GPM6A: variants seen among roughly 807,000 people sequenced by gnomAD.
The protein encoded by GPM6A is glycoprotein M6A, also known as neuronal membrane glycoprotein M6-a.
GPM6A carries 7 observed loss-of-function variants against 32.1 expected under a neutral mutation model. The ratio of observed to expected loss-of-function variants is 0.22; its 90% CI spans 0.12 to 0.41. The LOEUF (loss-of-function observed/expected upper bound fraction) is 0.41, where lower values mean the gene tolerates loss of function less well. Ranked by LOEUF, GPM6A falls within the 10% of genes least tolerant of loss-of-function variation. The probability of loss-of-function intolerance (pLI) is 1.00; values close to 1 mark genes in which losing one functional copy is unlikely to be tolerated. For missense variants in GPM6A, 235 were observed against 347.2 expected (o/e 0.68, Z 2.57); for synonymous variants, 130 against 123.4 (o/e 1.05, Z -0.35).
intron 1 of GPM6A, among the ~76,000 whole-genome samples, chr4:175,800,165 G>A (rs1225667233): frequency 6.6e-6 from 1 of 152,108 alleles, no homozygotes; most frequent in Non-Finnish European, 1.5e-5. Flanking sequence ...ATTTGTGGTT[G>A]AGGGCTTAAT....
rs7676907 is a variant in GPM6A at position 175,879,576 on chromosome 4, C to T, written c.-22-67327G>A. Among the ~76,000 whole-genome samples the T allele has an allele frequency of 2.9e-3, 435 of 152,138 alleles. 2 individuals carry two copies. The highest frequency in any genetic ancestry group is 8.6e-3 in the African/African-American group (358 of 41,510). ...ATTCACTATCATGAGAACAGTATGG[C>T]GGAAACTGTCCCCATAATTCAATTA... is the stretch of plus-strand genomic sequence containing the variant. On this transcript the variant is annotated intron_variant, in intron 1 of 7. Coordinates refer to the GPM6A transcript ENST00000280187.
chr4:175,758,262 T>C (rs1579466422), intron 1 of GPM6A, among the ~76,000 whole-genome samples: 1 of 152,218 alleles, frequency 6.6e-6, no homozygotes, highest in Non-Finnish European at 1.5e-5. Context: ...AAGCAATATA[T>C]TCTCTTGTTT....
intron 1 of GPM6A, among the ~76,000 whole-genome samples, chr4:175,850,193 A>G (rs1736210055): frequency 6.6e-6 from 1 of 152,198 alleles, no homozygotes. Flanking sequence ...ACATGATTCT[A>G]AACTCTACTT....
Position 175,944,193 on chromosome 4 carries a change from T to G in GPM6A, c.-23+58116A>C, listed in dbSNP as rs116834442. Among the ~76,000 whole-genome samples the G allele has an allele frequency of 7.5e-3, 1,148 of 152,324 alleles. 15 individuals are homozygous for G. Among genetic ancestry groups the G allele is most frequent in the Non-Finnish European group, 9.2e-3 (628 of 68,016 alleles). On this transcript the variant is annotated intron_variant, in intron 1 of 7. Transcript: ENST00000280187. Reference sequence around the variant, plus strand: ...GCAGACAATAATAGATTTAAAATTATGTACCAATGTCTTTTTCATTATATG... The same window carrying G: ...GCAGACAATAATAGATTTAAAATTAGGTACCAATGTCTTTTTCATTATATG...
intron 1 of GPM6A, among the ~76,000 whole-genome samples, chr4:175,751,222 G>T (rs1326450734): frequency 3.9e-5 from 6 of 152,128 alleles, no homozygotes; most frequent in Non-Finnish European, 8.8e-5. Flanking sequence ...GTATCATAGA[G>T]AATGTAGAAG....
In GPM6A at chr4:175,713,536, T is replaced by C. The variant is rs77333471; in HGVS notation, c.38-11769A>G. On this transcript the variant is annotated intron_variant, in intron 1 of 6. Coordinates refer to ENST00000393658, the MANE Select transcript of GPM6A (RefSeq NM_201591.3). ...GCCTTTTAGAATATAGCTCAAATAA[T>C]CCTTAAATATTGTTAAATTTTTATT... 8.5e-3 allele frequency among the ~76,000 whole-genome samples: 1,292 copies of C among 152,250 alleles called. 31 individuals are homozygous for C. The highest frequency in any genetic ancestry group is 0.081 in the East Asian group (422 of 5,178).
intron 1 of GPM6A, among the ~76,000 whole-genome samples, chr4:175,902,927 A>G (rs1333993306): frequency 6.6e-6 from 1 of 152,142 alleles, no homozygotes; most frequent in Non-Finnish European, 1.5e-5. Context: ...CTCTAGAATA[A>G]CAGCTAATCT....
At chr4:175,649,536 A>G (rs1741661999) in intron 4 of GPM6A, among the ~76,000 whole-genome samples, 1 of 152,210 alleles carries the variant, frequency 6.6e-6, no homozygotes, top group Non-Finnish European at 1.5e-5. Context: ...AGACCTTATA[A>G]TCACCTACTT....
intron 1 of GPM6A, among the ~76,000 whole-genome samples, chr4:175,778,840 A>G (rs148451491): frequency 6.7e-6 from 1 of 150,258 alleles, no homozygotes; most frequent in African/African-American, 2.4e-5. Flanking sequence ...ACAATAAAAC[A>G]TTACATATTA....
At chr4:175,635,080 T>C in intron 6 of GPM6A, 23 bp from the exon 7 acceptor site, 1 of 1,602,500 alleles carries the variant, frequency 6.2e-7, no homozygotes. Flanking sequence ...AAAAATAATT[T>C]ATATTGGAAG....
chr4:175,727,439 G>T (rs1731224799), intron 1 of GPM6A, among the ~76,000 whole-genome samples: 1 of 152,152 alleles, frequency 6.6e-6, no homozygotes, highest in Non-Finnish European at 1.5e-5. Flanking sequence ...AATTCATCTT[G>T]TCTGTATTCA....
intron 1 of GPM6A, among the ~76,000 whole-genome samples, chr4:175,991,992 C>T (rs895400900): frequency 7.9e-5 from 12 of 151,346 alleles, no homozygotes; most frequent in Middle Eastern, 3.2e-3. Flanking sequence ...CTTGCACTCA[C>T]ATATATAAAA....
intron 1 of GPM6A, among the ~76,000 whole-genome samples, chr4:175,852,512 A>G (rs1158585167): frequency 2.0e-5 from 3 of 152,210 alleles, no homozygotes; most frequent in Non-Finnish European, 4.4e-5. Flanking sequence ...GAGGGCAAAG[A>G]AAAAGTGAAC....
At chr4:175,816,885 G>C (rs1157401185), upstream of GPM6A, among the ~76,000 whole-genome samples, 5 of 151,092 alleles carry the variant, frequency 3.3e-5, no homozygotes, top group East Asian at 7.8e-4. Flanking sequence ...TTTTGAGACG[G>C]AGTCTCGCTC....
intron 1 of GPM6A, among the ~76,000 whole-genome samples, chr4:175,957,182 G>T (rs1740014214): frequency 6.6e-6 from 1 of 152,142 alleles, no homozygotes; most frequent in Admixed American, 6.5e-5. Context: ...CACATGAACA[G>T]GTGTGTTTTA....
intron 4 of GPM6A, among the ~76,000 whole-genome samples, chr4:175,644,057 G>A (rs150380068): frequency 3.5e-4 from 53 of 151,124 alleles, no homozygotes; most frequent in African/African-American, 1.3e-3. Context: ...GATCTCTCAA[G>A]TCTCCCGCTT....
rs374537464 is a variant in GPM6A, at chr4:175,640,712, G to T, written c.618+41C>A. 6.3e-5 allele frequency: 80 copies of T among 1,268,322 alleles called. No individual in the cohort carries two copies. The East Asian group carries it at 1.7e-3, about 28-fold the overall frequency. 78.6% of individuals were successfully genotyped at this position (1,268,322 alleles called of 1,614,324 possible). On this transcript the variant is annotated intron_variant, in intron 5 of 6. Transcript: ENST00000393658. ...ATTATCCAAATAATAAAAAATGAATGCTAAAATTCTGACAAAATTAAAGGC... is the reference window on the plus strand; with the variant it reads ...ATTATCCAAATAATAAAAAATGAATTCTAAAATTCTGACAAAATTAAAGGC...
intron 1 of GPM6A, among the ~76,000 whole-genome samples, chr4:175,748,003 A>T (rs953242906): frequency 6.6e-6 from 1 of 152,158 alleles, no homozygotes; most frequent in Non-Finnish European, 1.5e-5. Flanking sequence ...AACTTTTTTC[A>T]TTCATAAGAA....
chr4:175,656,811 G>T (rs1184056510), intron 3 of GPM6A, among the ~76,000 whole-genome samples: 1 of 152,160 alleles, frequency 6.6e-6, no homozygotes, highest in African/African-American at 2.4e-5. Flanking sequence ...CACCTTGGAA[G>T]TCAGCAGCAT....
Sources: gnomAD v4.1 joint callset for allele counts (sites outside exome capture counted in the v4.1 genomes callset) on GRCh38, gnomAD v4.1.1 for gene constraint, MANE v1.5 for transcripts, NCBI Gene and HGNC (gene_info 2026-07-23, HGNC 2026-07-21) for gene names.